CLDN10: variants seen among roughly 807,000 people sequenced by gnomAD.
CLDN10 encodes the protein claudin 10.
Under a neutral mutation model 22.9 loss-of-function variants are expected in CLDN10, and 15 were observed. The ratio of observed to expected loss-of-function variants is 0.65; its 90% CI spans 0.44 to 1.01. CLDN10 has a LOEUF of 1.01. Ranked by LOEUF, CLDN10 falls within the 50% of genes least tolerant of loss-of-function variation. The pLI, the probability that CLDN10 is intolerant of heterozygous loss-of-function variation, is 0.00. For synonymous variants in CLDN10, 114 were observed against 111.4 expected (o/e 1.02, Z -0.15); for missense variants, 247 against 287.8 (o/e 0.86, Z 1.03).
chr13:95,478,627 A>G (rs936762015), intron 1 of CLDN10, among the ~76,000 whole-genome samples: 65 of 152,096 alleles, frequency 4.3e-4, no homozygotes, highest in Admixed American at 1.6e-3. Flanking sequence ...TCCCATCCCC[A>G]TTTGGCTTCC....
At chr13:95,464,828 CT>C (rs2042569100) in intron 1 of CLDN10, among the ~76,000 whole-genome samples, 1 of 152,010 alleles carries the variant, frequency 6.6e-6, no homozygotes, top group East Asian at 1.9e-4. Context: ...GCCTCCCAGG[CT>C]CAAGTGATCC....
intron 3 of CLDN10, among the ~76,000 whole-genome samples, chr13:95,565,703 G>A (rs1010884690): frequency 6.6e-6 from 1 of 152,032 alleles, no homozygotes; most frequent in African/African-American, 2.4e-5. Flanking sequence ...GTATACATGT[G>A]CCATGTTGGC....
intron 1 of CLDN10, among the ~76,000 whole-genome samples, chr13:95,484,513 G>A (rs1428550459): frequency 3.3e-5 from 5 of 152,076 alleles, no homozygotes; most frequent in African/African-American, 1.2e-4. Flanking sequence ...ACAAGGTCAA[G>A]TTTTTTCAGT....
intron 1 of CLDN10, among the ~76,000 whole-genome samples, chr13:95,490,581 G>A (rs1345057249): frequency 6.6e-6 from 1 of 152,108 alleles, no homozygotes; most frequent in Non-Finnish European, 1.5e-5. Context: ...GGTTTTGAAG[G>A]TTCCTTTTGG....
intron 1 of CLDN10, among the ~76,000 whole-genome samples, chr13:95,437,741 G>A (rs1454680997): frequency 6.6e-6 from 1 of 152,174 alleles, no homozygotes; most frequent in Non-Finnish European, 1.5e-5. Context: ...GAGCGAGTGA[G>A]GAAATGAGCG....
intron 1 of CLDN10, among the ~76,000 whole-genome samples, chr13:95,522,195 T>C (rs1000646002): frequency 6.6e-6 from 1 of 152,050 alleles, no homozygotes; most frequent in Non-Finnish European, 1.5e-5. Context: ...CTATTCTTTT[T>C]CTGTTTATTT....
intron 1 of CLDN10, among the ~76,000 whole-genome samples, chr13:95,451,569 T>G (rs1410295539): frequency 6.6e-6 from 1 of 152,212 alleles, no homozygotes; most frequent in Non-Finnish European, 1.5e-5. Context: ...TAGCTGGGAC[T>G]ACAGGTGCAA....
chr13:95,472,866 TGC>T, intron 1 of CLDN10, among the ~76,000 whole-genome samples: 1 of 151,314 alleles, frequency 6.6e-6, no homozygotes, highest in African/African-American at 2.4e-5. Context: ...TCTGTCCTGG[TGC>T]AGTGGCTCAC....
exon 1 of CLDN10, chr13:95,433,825 C>T (rs1286376979): frequency 4.3e-6 from 7 of 1,613,408 alleles, no homozygotes; most frequent in African/African-American, 2.7e-5. Flanking sequence ...CTGGAGAAGG[C>T]GGCGCGACAT....
At chr13:95,470,182 A>G (rs2042616812) in intron 1 of CLDN10, among the ~76,000 whole-genome samples, 1 of 152,226 alleles carries the variant, frequency 6.6e-6, no homozygotes, top group African/African-American at 2.4e-5. Context: ...TCTTACCAGA[A>G]ATATGCACAG....
intron 1 of CLDN10, among the ~76,000 whole-genome samples, chr13:95,493,716 C>G (rs369871504): frequency 6.6e-6 from 1 of 152,090 alleles, no homozygotes; most frequent in Non-Finnish European, 1.5e-5. Context: ...CATGCCACCA[C>G]GCCCAGCTAA....
chr13:95,577,184 C>T (rs774826522), intron 3 of CLDN10, 47 bp from the exon 4 acceptor site: 15 of 1,269,992 alleles, frequency 1.2e-5, no homozygotes, highest in Non-Finnish European at 1.7e-5. Context: ...ATACTGTTTA[C>T]TCTCCAAATA....
At chr13:95,455,423 C>T (rs1439920182) in intron 1 of CLDN10, among the ~76,000 whole-genome samples, 1 of 152,012 alleles carries the variant, frequency 6.6e-6, no homozygotes, top group African/African-American at 2.4e-5. Context: ...ATTAAAACAC[C>T]AATATAAATT....
At chr13:95,451,259 T>C (rs2042429273) in intron 1 of CLDN10, among the ~76,000 whole-genome samples, 4 of 152,178 alleles carry the variant, frequency 2.6e-5, no homozygotes, top group Admixed American at 2.6e-4. Context: ...GAGATTAACT[T>C]CTCCCTTCTC....
rs756346152 is a variant in CLDN10 at position 95,560,235 on chromosome 13, C to T, written c.324C>T (p.Gly108=). The T allele has an allele frequency of 1.4e-5, 23 of 1,614,084 alleles. No individual in the cohort carries two copies. The highest frequency in any genetic ancestry group is 1.2e-4 in the Admixed American group (7 of 60,006). Reference sequence around the variant, plus strand: ...GAATGAAGTGTACCAAAGTCGGAGGCTCCGATAAAGCCAAAGCTAAAATTG... The same window carrying T: ...GAATGAAGTGTACCAAAGTCGGAGGTTCCGATAAAGCCAAAGCTAAAATTG... The part of the protein sequence containing the change: ...LFGMKCTKVG[G]SDKAKAKIAC... The change falls in exon 2 of 5, where the codon GGC becomes GGT. Residue 108 remains glycine (G), a synonymous_variant. Transcript: ENST00000299339.
rs1490542199 is a variant in CLDN10 at position 95,560,263 on chromosome 13, T to G, written c.352T>G (p.Cys118Gly). 2.5e-6 allele frequency: 4 copies of G among 1,614,098 alleles called. No homozygotes were observed. The highest frequency in any genetic ancestry group is 3.4e-6 in the Non-Finnish European group (4 of 1,180,032). ...CGATAAAGCCAAAGCTAAAATTGCT[T>G]GTTTGGCTGGGATTGTATTCATACT... ...GSDKAKAKIA[C>G]LAGIVFILSG... The change falls in exon 2 of 5, where the codon TGT becomes GGT. Residue 118 changes from cysteine (C) to glycine (G), a missense_variant. Transcript: ENST00000299339.
intron 1 of CLDN10, among the ~76,000 whole-genome samples, chr13:95,449,627 T>C (rs2042413826): frequency 6.6e-6 from 1 of 152,096 alleles, no homozygotes. Context: ...CGTGCAGTGG[T>C]GTGATCATAG....
intron 3 of CLDN10, among the ~76,000 whole-genome samples, chr13:95,571,225 C>T (rs2043855210): frequency 1.3e-5 from 2 of 151,960 alleles, no homozygotes; most frequent in African/African-American, 4.8e-5. Flanking sequence ...TTCTGAACTA[C>T]CCTAATGAAA....
intron 1 of CLDN10, among the ~76,000 whole-genome samples, chr13:95,497,944 C>T (rs1566302193): frequency 6.6e-6 from 1 of 152,148 alleles, no homozygotes; most frequent in Non-Finnish European, 1.5e-5. Context: ...TAAACTTGAA[C>T]ATTTTTCTTT....
Sources: allele counts gnomAD v4.1 joint callset (sites outside exome capture counted in the v4.1 genomes callset), GRCh38; gene constraint gnomAD v4.1.1; transcripts MANE v1.5; gene names NCBI Gene and HGNC (gene_info 2026-07-23, HGNC 2026-07-21).